Variants in FAM114A1 observed in about 807,000 individuals in gnomAD.
FAM114A1 encodes family with sequence similarity 114 member A1, also known as protein NOXP20.
FAM114A1 carries 62 observed loss-of-function variants against 64.3 expected under a neutral mutation model. The ratio of observed to expected loss-of-function variants is 0.96; its 90% CI spans 0.79 to 1.19. The LOEUF is 1.19. Ranked by LOEUF, FAM114A1 falls within the 50% of genes most tolerant of loss-of-function variation. FAM114A1 has a pLI of 0.00. For synonymous variants in FAM114A1, 254 were observed against 251.1 expected (o/e 1.01, Z -0.11); for missense variants, 645 against 676.3 (o/e 0.95, Z 0.51).
At chr4:38,885,308 C>G (rs947270673) in intron 3 of FAM114A1, among the ~76,000 whole-genome samples, 2 of 152,094 alleles carry the variant, frequency 1.3e-5, no homozygotes, top group Admixed American at 6.6e-5. Flanking sequence ...CTCTCTCTCT[C>G]TCTGTTGCCC....
chr4:38,869,726 T>A (rs985092821), intron 2 of FAM114A1, among the ~76,000 whole-genome samples: 1 of 151,966 alleles, frequency 6.6e-6, no homozygotes, highest in African/African-American at 2.4e-5. Flanking sequence ...TTTGTTTTTT[T>A]TTTTTAACTG....
At chr4:38,880,557 A>G (rs768116203) in intron 3 of FAM114A1, among the ~76,000 whole-genome samples, 1 of 152,160 alleles carries the variant, frequency 6.6e-6, no homozygotes, top group African/African-American at 2.4e-5. Flanking sequence ...TTTGCATGGT[A>G]TTGGTGAAGA....
At chr4:38,935,164 A>C (rs925070860) in intron 12 of FAM114A1, among the ~76,000 whole-genome samples, 4 of 152,044 alleles carry the variant, frequency 2.6e-5, no homozygotes, top group Non-Finnish European at 5.9e-5. Flanking sequence ...TGATCCACCC[A>C]CCTCGGCCTC....
rs1332634311 is a variant in FAM114A1, at chr4:38,929,260, A to T, written c.1088A>T (p.Glu363Val). ...QEEQGLEEKG[E>V]EFARMLTELL... The stretch of plus-strand genomic sequence containing the variant: ...TTTCTAGGCTTAGAAGAAAAGGGAG[A>T]AGAATTTGCTCGCATGCTTACAGAG... The change falls in exon 10 of 15, where the codon GAA becomes GTA. Residue 363 changes from glutamate to valine, a missense_variant. Coordinates refer to ENST00000358869, the MANE Select transcript of FAM114A1 (RefSeq NM_138389.4). 6.2e-7 allele frequency: 1 copy of T among 1,613,564 alleles called. No homozygotes were observed. Among genetic ancestry groups the T allele is most frequent in the Non-Finnish European group, 8.5e-7 (1 of 1,179,670 alleles).
chr4:38,908,733 T>C lies in FAM114A1; in HGVS notation c.792+7T>C. ...AACTGTTTCCTTGTCTCAGGTTGGA[T>C]TATATACGTTTGCAATTTTTTCTTT... On this transcript the variant is annotated splice_region_variant and intron_variant, in intron 7 of 14. Coordinates refer to ENST00000358869, the MANE Select transcript of FAM114A1 (RefSeq NM_138389.4). 1 of 1,549,754 alleles carries C rather than the reference T, an allele frequency of 6.5e-7. No homozygotes were observed. Among genetic ancestry groups the C allele is most frequent in the Non-Finnish European group, 8.8e-7 (1 of 1,140,444 alleles).
intron 3 of FAM114A1, among the ~76,000 whole-genome samples, chr4:38,880,421 C>T (rs1715142049): frequency 6.6e-6 from 1 of 152,186 alleles, no homozygotes; most frequent in Admixed American, 6.5e-5. Flanking sequence ...GAGACAAGCC[C>T]TTTCATTCTT....
chr4:38,885,642 C>A (rs1021373005), intron 3 of FAM114A1, among the ~76,000 whole-genome samples: 1 of 152,134 alleles, frequency 6.6e-6, no homozygotes, highest in African/African-American at 2.4e-5. Flanking sequence ...AGTAAATAGT[C>A]CACCATGTGT....
intron 4 of FAM114A1, among the ~76,000 whole-genome samples, chr4:38,903,299 A>G (rs1292148965): frequency 1.3e-5 from 2 of 152,202 alleles, no homozygotes; most frequent in Non-Finnish European, 2.9e-5. Context: ...TCTTCCTGCA[A>G]AAGGAACCAG....
intron 13 of FAM114A1, 143 bp downstream of exon 13, chr4:38,935,933 C>G (rs1721046178): frequency 1.6e-6 from 1 of 639,690 alleles, no homozygotes; most frequent in Admixed American, 2.9e-5. Context: ...CCAAGAGTAA[C>G]TTCTCTAAGG....
intron 9 of FAM114A1, among the ~76,000 whole-genome samples, chr4:38,927,767 T>C (rs1290408739): frequency 6.6e-6 from 1 of 152,238 alleles, no homozygotes; most frequent in Non-Finnish European, 1.5e-5. Context: ...CACTGCAACC[T>C]CTGCCTCCCA....
At chr4:38,919,522 G>A (rs1719389500) in intron 8 of FAM114A1, among the ~76,000 whole-genome samples, 1 of 152,240 alleles carries the variant, frequency 6.6e-6, no homozygotes, top group Non-Finnish European at 1.5e-5. Context: ...CAGGCTGTGA[G>A]AGGGACCCTT....
At chr4:38,873,055 C>A (rs1277318681) in intron 2 of FAM114A1, among the ~76,000 whole-genome samples, 1 of 152,206 alleles carries the variant, frequency 6.6e-6, no homozygotes, top group East Asian at 1.9e-4. Context: ...CATAAACCAC[C>A]CACAATACTA....
intron 7 of FAM114A1, among the ~76,000 whole-genome samples, chr4:38,913,431 C>G (rs1292262887): frequency 6.6e-6 from 1 of 152,210 alleles, no homozygotes; most frequent in Non-Finnish European, 1.5e-5. Flanking sequence ...CCAAGTCTCA[C>G]TCTGTTGCCC....
intron 12 of FAM114A1, among the ~76,000 whole-genome samples, chr4:38,934,294 C>T (rs998349396): frequency 6.6e-6 from 1 of 152,140 alleles, no homozygotes; most frequent in African/African-American, 2.4e-5. Context: ...CCTGATTTGC[C>T]TGTACAATAA....
intron 8 of FAM114A1, among the ~76,000 whole-genome samples, chr4:38,922,140 C>A (rs1433014394): frequency 1.3e-5 from 2 of 152,270 alleles, no homozygotes; most frequent in South Asian, 2.1e-4. Context: ...CGGGGTTTCA[C>A]CCTGTCGGCC....
chr4:38,891,529 A>C (rs1435701124), intron 3 of FAM114A1, among the ~76,000 whole-genome samples: 2 of 152,196 alleles, frequency 1.3e-5, no homozygotes, highest in African/African-American at 4.8e-5. Context: ...CCAAGCCTTC[A>C]GAAGCCAACA....
At chr4:38,935,397 G>A (rs942141137) in intron 12 of FAM114A1, among the ~76,000 whole-genome samples, 1 of 152,102 alleles carries the variant, frequency 6.6e-6, no homozygotes, top group Non-Finnish European at 1.5e-5. Context: ...CGTCTGGCCA[G>A]AGTGTATAAG....
chr4:38,906,941 C>T (rs924666097), intron 6 of FAM114A1, among the ~76,000 whole-genome samples: 1 of 152,190 alleles, frequency 6.6e-6, no homozygotes. Context: ...ATGATTAGCC[C>T]TCACTATGTT....
At chr4:38,893,536 GGTAGCA>G (rs937414109) in intron 4 of FAM114A1, among the ~76,000 whole-genome samples, 2 of 152,142 alleles carry the variant, frequency 1.3e-5, no homozygotes, top group African/African-American at 4.8e-5. Flanking sequence ...TCTGCTCTGT[GGTAGCA>G]GCTATAGGTG....
Sources: gnomAD v4.1 joint callset for allele counts (sites outside exome capture counted in the v4.1 genomes callset) on GRCh38, gnomAD v4.1.1 for gene constraint, MANE v1.5 for transcripts, NCBI Gene and HGNC (gene_info 2026-07-23, HGNC 2026-07-21) for gene names.